Variants in WDR35 observed in about 807,000 individuals in gnomAD.
WDR35 encodes the protein WD repeat domain 35.
Under a neutral mutation model 158.3 loss-of-function variants are expected in WDR35, and 118 were observed. The observed-to-expected ratio is 0.75, with a 90% CI of 0.64 to 0.87. WDR35 has a LOEUF of 0.87. Among genes scored for constraint, WDR35 ranks in the 40% least tolerant of loss-of-function variants. The probability of loss-of-function intolerance (pLI) is 0.00; values close to 1 mark genes in which losing one functional copy is unlikely to be tolerated. For missense variants in WDR35, 1,263 were observed against 1,405.8 expected (o/e 0.90, Z 1.62); for synonymous variants, 448 against 476.1 (o/e 0.94, Z 0.77).
chr2:19,987,320 A>C (rs541333494), intron 2 of WDR35, among the ~76,000 whole-genome samples: 1 of 152,284 alleles, frequency 6.6e-6, no homozygotes. Context: ...CCTCATATTT[A>C]TTTCTTTCAG....
intron 10 of WDR35, among the ~76,000 whole-genome samples, chr2:19,965,758 G>A (rs1671829259): frequency 6.6e-6 from 1 of 152,200 alleles, no homozygotes; most frequent in African/African-American, 2.4e-5. Flanking sequence ...ACTCAGTATA[G>A]GGGAGTGGGA....
At position 19,937,780 on chromosome 2, in the gene WDR35, C is replaced by T. The variant is rs1420842472; in HGVS notation, c.2230G>A (p.Glu744Lys). 14 of 1,614,034 alleles carry T rather than the reference C, an allele frequency of 8.7e-6. No homozygotes were observed. The Admixed American group carries it at 2.2e-4, about 25-fold the overall frequency. ...AEVVGYFGRF[E>K]EAERTYLEMD... is the part of the protein sequence containing the mutation. Reference sequence around the variant, plus strand: ...TCGAGATACGTTCTTTCAGCCTCTTCAAACCTGCCGAAGTAGCCAACAACT... The same window carrying T: ...TCGAGATACGTTCTTTCAGCCTCTTTAAACCTGCCGAAGTAGCCAACAACT... Residue 744 changes from glutamate to lysine, a missense_variant, in exon 19 of 27, where the codon GAA becomes AAA. By Grantham distance (56) the Glu-to-Lys change is moderately conservative. Transcript: ENST00000281405.
At chr2:19,930,306 A>G (rs1021952002) in intron 25 of WDR35, 90 bp downstream of exon 25, 5 of 1,568,494 alleles carry the variant, frequency 3.2e-6, no homozygotes, top group Non-Finnish European at 4.4e-6. Flanking sequence ...ATGTTATTGA[A>G]GGCCACATAA....
intron 15 of WDR35, 137 bp from the exon 16 acceptor site, chr2:19,946,133 T>G (rs1558337766): frequency 1.0e-6 from 1 of 969,606 alleles, no homozygotes; most frequent in Admixed American, 2.6e-5. Flanking sequence ...GGCTTAAAAT[T>G]TTGTTAAATA....
At chr2:19,984,000 T>TGC (rs1161007481) in intron 2 of WDR35, among the ~76,000 whole-genome samples, 5 of 133,002 alleles carry the variant, frequency 3.8e-5, no homozygotes, top group African/African-American at 9.0e-5. Context: ...TCCATTCTAA[T>TGC]GCATATATAT....
intron 11 of WDR35, among the ~76,000 whole-genome samples, chr2:19,959,795 G>C (rs1671575473): frequency 2.6e-5 from 4 of 151,876 alleles, no homozygotes; most frequent in African/African-American, 9.7e-5. Flanking sequence ...TAATGCAATG[G>C]GTTTTTAATT....
chr2:19,966,872 G>A lies in WDR35; in HGVS notation c.1046C>T (p.Thr349Ile). 6.2e-7 allele frequency: 1 copy of A among 1,613,906 alleles called. No homozygotes were observed. The highest frequency in any genetic ancestry group is 8.5e-7 in the Non-Finnish European group (1 of 1,179,924). Residue 349 changes from threonine to isoleucine, a missense_variant, in exon 10 of 27, where the codon ACC becomes ATC. Thr to Ile is a moderately conservative substitution (Grantham distance 89, BLOSUM62 -1). Coordinates refer to ENST00000281405, the MANE Select transcript of WDR35 (RefSeq NM_020779.4). Reference protein sequence around the residue: ...YCSNTVVYAYTRPDRPEYCVV... With the variant: ...YCSNTVVYAYIRPDRPEYCVV... ...ACAATATTCTGGACGATCAGGTCTGGTATATGCATAAACTACAGTGTTTGA... is the reference window on the plus strand; with the variant it reads ...ACAATATTCTGGACGATCAGGTCTGATATATGCATAAACTACAGTGTTTGA...
intron 3 of WDR35, 135 bp downstream of exon 3, chr2:19,982,328 C>G (rs1451976470): frequency 2.3e-6 from 2 of 851,954 alleles, no homozygotes; most frequent in Admixed American, 2.3e-5. Context: ...GAACATATCC[C>G]CATCGTAACT....
chr2:19,988,067 T>C (rs1672628162), intron 2 of WDR35, among the ~76,000 whole-genome samples: 1 of 152,128 alleles, frequency 6.6e-6, no homozygotes, highest in South Asian at 2.1e-4. Flanking sequence ...GCCCTTTGTG[T>C]AGTGGTTAAA....
At position 19,912,073 on chromosome 2, in the gene WDR35, A is replaced by C. The variant is rs1188275445; in HGVS notation, c.*1485T>G. On this transcript the variant is annotated 3_prime_UTR_variant, in exon 27 of 27. Transcript: ENST00000281405. ...ATTAGGGGAAAGCGTATGTGACAGAATGTGAGTCAGGACATAAAAACATTA... is the reference window on the plus strand; with the variant it reads ...ATTAGGGGAAAGCGTATGTGACAGACTGTGAGTCAGGACATAAAAACATTA... 1 of 152,218 alleles carries C rather than the reference A, an allele frequency of 6.6e-6. No individual in the cohort carries two copies. Among genetic ancestry groups the C allele is most frequent in the East Asian group, 1.9e-4 (1 of 5,198 alleles). 9.4% of individuals were successfully genotyped at this position (152,218 alleles called of 1,614,324 possible).
intron 25 of WDR35, among the ~76,000 whole-genome samples, chr2:19,916,121 C>T (rs1669984783): frequency 1.3e-5 from 2 of 152,122 alleles, no homozygotes; most frequent in South Asian, 4.1e-4. Context: ...GGTGGGGCGT[C>T]ACCTCACCTG....
At chr2:19,966,630 T>C (rs1490845721) in intron 10 of WDR35, 94 bp downstream of exon 10, 1 of 1,420,338 alleles carries the variant, frequency 7.0e-7, no homozygotes, top group African/African-American at 1.4e-5. Flanking sequence ...TGTTTTGATG[T>C]ACTTGCCAGT....
intron 21 of WDR35, chr2:19,935,109 T>C (rs1670651399): frequency 6.4e-6 from 1 of 155,680 alleles, no homozygotes. Flanking sequence ...ACTTAAGTTA[T>C]AGCAAATTTC....
chr2:19,973,755 C>A (rs373090706), intron 7 of WDR35, 47 bp from the exon 8 acceptor site: 1 of 1,579,344 alleles, frequency 6.3e-7, no homozygotes, highest in African/African-American at 1.4e-5. Context: ...AATACGTAGC[C>A]TAGAGAACTT....
At chr2:19,941,396 T>A (rs1670870586) in intron 17 of WDR35, among the ~76,000 whole-genome samples, 1 of 152,188 alleles carries the variant, frequency 6.6e-6, no homozygotes, top group Non-Finnish European at 1.5e-5. Context: ...TCGTTATTAC[T>A]ACAAAAACAA....
chr2:19,949,820 G>C (rs1671178217), intron 13 of WDR35, among the ~76,000 whole-genome samples: 1 of 152,172 alleles, frequency 6.6e-6, no homozygotes, highest in South Asian at 2.1e-4. Context: ...TGATTTATTA[G>C]ACGTGGAAAG....
Position 19,933,493 on chromosome 2 carries a change from C to G in WDR35, c.2566G>C (p.Val856Leu), listed in dbSNP as rs149667250. 2 of 1,613,704 alleles carry G rather than the reference C, an allele frequency of 1.2e-6. No individual in the cohort carries two copies. Among genetic ancestry groups the G allele is most frequent in the Non-Finnish European group, 1.7e-6 (2 of 1,179,900 alleles). ...GCTTGTTCACACATTCCAACTCTGA[C>G]AAACATTTGTGCTATTTCCTGTACA... ...KLLPEIAQMFVRVGMCEQAVT... is the reference protein window; with the variant it reads ...KLLPEIAQMFLRVGMCEQAVT... The change falls in exon 22 of 27, where the codon GTC becomes CTC. Residue 856 changes from valine (V) to leucine (L), a missense_variant. By Grantham distance (32) the Val-to-Leu change is conservative. Coordinates refer to ENST00000281405, the MANE Select transcript of WDR35 (RefSeq NM_020779.4).
chr2:19,915,573 A>C (rs1239227622), intron 25 of WDR35, among the ~76,000 whole-genome samples: 1 of 152,140 alleles, frequency 6.6e-6, no homozygotes, highest in Non-Finnish European at 1.5e-5. Context: ...ACAGTGTATA[A>C]TTTATGTCAC....
At chr2:19,981,170 A>G (rs1351882942) in intron 3 of WDR35, among the ~76,000 whole-genome samples, 1 of 152,176 alleles carries the variant, frequency 6.6e-6, no homozygotes, top group East Asian at 1.9e-4. Context: ...TTTTTGGTAG[A>G]TATGTCCTAT....
Sources: allele counts gnomAD v4.1 joint callset (sites outside exome capture counted in the v4.1 genomes callset), GRCh38; gene constraint gnomAD v4.1.1; transcripts MANE v1.5; gene names NCBI Gene and HGNC (gene_info 2026-07-23, HGNC 2026-07-21).